Variants in VAC14 observed in about 807,000 individuals in gnomAD.
VAC14 encodes VAC14 component of PIKFYVE complex.
Under a neutral mutation model 85.3 loss-of-function variants are expected in VAC14, and 47 were observed. That is an observed-to-expected ratio of 0.55 (90% CI 0.44 to 0.70). The LOEUF (loss-of-function observed/expected upper bound fraction) is 0.70. Ranked by LOEUF, VAC14 falls within the 30% of genes least tolerant of loss-of-function variation. VAC14 has a pLI of 0.00. For missense variants in VAC14, 861 were observed against 1,004.3 expected (o/e 0.86, Z 1.93); for synonymous variants, 447 against 430.5 (o/e 1.04, Z -0.47).
At chr16:70,791,072 C>G (rs1227865987) in intron 1 of VAC14, among the ~76,000 whole-genome samples, 1 of 152,228 alleles carries the variant, frequency 6.6e-6, no homozygotes, top group Non-Finnish European at 1.5e-5. Flanking sequence ...AGGCCGACCT[C>G]TGACCTCTGC....
intron 14 of VAC14, among the ~76,000 whole-genome samples, chr16:70,721,826 T>C (rs1264416213): frequency 2.0e-5 from 3 of 152,112 alleles, no homozygotes; most frequent in African/African-American, 7.2e-5. Context: ...CAGTCCTGGA[T>C]AGCACGTGTC....
chr16:70,771,298 GGC>G (rs1251922362), intron 10 of VAC14: 2 of 152,116 alleles, frequency 1.3e-5, no homozygotes, highest in African/African-American at 2.4e-5. Context: ...AGCTGACCTG[GGC>G]GCACAGGAGA....
intron 14 of VAC14, among the ~76,000 whole-genome samples, chr16:70,718,779 G>T (rs1404769238): frequency 1.3e-5 from 2 of 152,116 alleles, no homozygotes; most frequent in Middle Eastern, 3.2e-3. Context: ...CACTGGCCCT[G>T]TCTGGGCCAA....
intron 14 of VAC14, among the ~76,000 whole-genome samples, chr16:70,712,397 A>G (rs2054053785): frequency 6.6e-6 from 1 of 152,130 alleles, no homozygotes. Flanking sequence ...GACACGAGGT[A>G]ACCACCGACA....
chr16:70,736,401 G>C (rs924993468), intron 13 of VAC14, among the ~76,000 whole-genome samples: 1 of 152,202 alleles, frequency 6.6e-6, no homozygotes, highest in Non-Finnish European at 1.5e-5. Context: ...TGAAATGTCT[G>C]AGTGGGGAGA....
Position 70,751,361 on chromosome 16 carries a change from G to A in VAC14, c.1372-6782C>T, listed in dbSNP as rs542389627. 1.1e-4 allele frequency among the ~76,000 whole-genome samples: 16 copies of A among 152,356 alleles called. No individual in the cohort carries two copies. In the East Asian group the frequency reaches 3.1e-3, roughly 29 times the overall value. ...ACTCAGGCTAAAGGCCTTGGAAGCTGAGGTCTGGCCAGTGCAGGCCACTGC... is the reference window on the plus strand; with the variant it reads ...ACTCAGGCTAAAGGCCTTGGAAGCTAAGGTCTGGCCAGTGCAGGCCACTGC... On this transcript the variant is annotated intron_variant, in intron 12 of 18. Coordinates refer to ENST00000261776, the MANE Select transcript of VAC14 (RefSeq NM_018052.5).
intron 1 of VAC14, among the ~76,000 whole-genome samples, chr16:70,792,807 A>AG (rs991535638): frequency 6.6e-6 from 1 of 152,200 alleles, no homozygotes; most frequent in African/African-American, 2.4e-5. Context: ...AGACTGTCAC[A>AG]GGTCACATGA....
chr16:70,764,632 C>T (rs527458927), intron 10 of VAC14, among the ~76,000 whole-genome samples: 3 of 152,248 alleles, frequency 2.0e-5, no homozygotes, highest in East Asian at 3.9e-4. Flanking sequence ...TTTAATTGAC[C>T]CAATGTATCT....
chr16:70,764,002 GT>G (rs1342857638), intron 10 of VAC14, among the ~76,000 whole-genome samples: 2 of 152,184 alleles, frequency 1.3e-5, no homozygotes, highest in Non-Finnish European at 2.9e-5. Context: ...CAGGCCAGGG[GT>G]TGCATTTTCT....
chr16:70,772,353 C>A, intron 9 of VAC14, 181 bp from the exon 10 acceptor site: 1 of 577,452 alleles, frequency 1.7e-6, no homozygotes, highest in Non-Finnish European at 3.1e-6. Context: ...TCTCGATAGT[C>A]CCCAAGCTTG....
chr16:70,708,326 G>A (rs1192269015), intron 14 of VAC14, among the ~76,000 whole-genome samples: 1 of 152,142 alleles, frequency 6.6e-6, no homozygotes, highest in Admixed American at 6.5e-5. Context: ...TACAGGCAAT[G>A]GGGGAGATGA....
chr16:70,772,126 A>G lies in VAC14; in HGVS notation c.1143T>C (p.Ser381=). The part of the protein sequence containing the change: ...SCDSSFSSGI[S]VFTAASTERA... The stretch of plus-strand genomic sequence containing the variant: ...CCACTTACCTGGCTGCAGTGAAGAC[A>G]CTGATGCCGCTACTGAAGCTGGAGT... The change falls in exon 10 of 19, where the codon AGT becomes AGC. Residue 381 remains serine, a synonymous_variant. Transcript: ENST00000261776. 1 of 1,614,138 alleles carries G rather than the reference A, an allele frequency of 6.2e-7. No homozygotes were observed. The highest frequency in any genetic ancestry group is 8.5e-7 in the Non-Finnish European group (1 of 1,180,038).
rs1367226417 is a variant in VAC14 at position 70,762,613 on chromosome 16, G to A, written c.1306-8C>T. ...GTCCGTGTGCCGGAACATCTGGAGG[G>A]CAGAGAAGCAGGGGTGCCCGTGAGT... On this transcript the variant is annotated splice_polypyrimidine_tract_variant and splice_region_variant and intron_variant, in intron 11 of 18. Transcript: ENST00000261776. This position sits in a 1 kb window ranked among gnomAD's most constrained non-coding sequence, Gnocchi z 4.1. 2 of 1,613,920 alleles carry A rather than the reference G, an allele frequency of 1.2e-6. No homozygotes were observed. Among genetic ancestry groups the A allele is most frequent in the Non-Finnish European group, 8.5e-7 (1 of 1,179,900 alleles).
chr16:70,779,699 G>A lies in VAC14; in HGVS notation c.1096+1091C>T, dbSNP rs541955800. ...TATCTCAGTTTACTCTGGCTGCTTCGGCAAAGGAGGACATCAACCCAAAGC... is the reference window on the plus strand; with the variant it reads ...TATCTCAGTTTACTCTGGCTGCTTCAGCAAAGGAGGACATCAACCCAAAGC... On this transcript the variant is annotated intron_variant, in intron 9 of 18. Transcript: ENST00000261776. 4.6e-5 allele frequency among the ~76,000 whole-genome samples: 7 copies of A among 152,242 alleles called. No individual in the cohort carries two copies. The East Asian group carries it at 5.8e-4, about 13-fold the overall frequency.
intron 16 of VAC14, chr16:70,695,855 G>C: frequency 2.2e-6 from 1 of 463,306 alleles, no homozygotes; most frequent in East Asian, 3.4e-5. Flanking sequence ...TGTCTCCTCT[G>C]CACCCTCCCG....
rs527420750 is a variant in VAC14, at chr16:70,715,319, C to T, written c.1661+16176G>A. The T allele has an allele frequency of 3.1e-3, 473 of 152,610 alleles. 1 individual carries two copies. The highest frequency in any genetic ancestry group is 4.8e-3 in the Non-Finnish European group (326 of 68,240). 9.5% of individuals were successfully genotyped at this position (152,610 alleles called of 1,614,324 possible). On this transcript the variant is annotated intron_variant, in intron 14 of 18. Transcript: ENST00000261776. ...CCAACAGGCTGGGCACCCCCTCCCC[C>T]ACATCTGTTTCACCAAGGATCACCA...
chr16:70,757,055 G>A (rs2031925243), intron 12 of VAC14, among the ~76,000 whole-genome samples: 1 of 152,172 alleles, frequency 6.6e-6, no homozygotes, highest in Admixed American at 6.5e-5. Flanking sequence ...CAATTTTTCT[G>A]TTACTCTGAA....
intron 14 of VAC14, among the ~76,000 whole-genome samples, chr16:70,704,088 GC>G (rs1436947508): frequency 6.6e-6 from 1 of 152,372 alleles, no homozygotes; most frequent in African/African-American, 2.4e-5. Context: ...GCCATGGACA[GC>G]CGCAGGCCTC....
chr16:70,689,101 G>A, intron 18 of VAC14: 1 of 984,714 alleles, frequency 1.0e-6, no homozygotes, highest in Non-Finnish European at 1.2e-6. Context: ...GCAGAGCACA[G>A]GATCTAGACA....
Sources: gnomAD v4.1 joint callset for allele counts (sites outside exome capture counted in the v4.1 genomes callset) on GRCh38, gnomAD v4.1.1 for gene constraint, Gnocchi (gnomAD v3.1) non-coding constraint, MANE v1.5 for transcripts, NCBI Gene and HGNC (gene_info 2026-07-23, HGNC 2026-07-21) for gene names.